The following CLSTN1 variants were observed in gnomAD, a reference collection of about 807,000 sequenced individuals.
CLSTN1 encodes calsyntenin-1.
Under a neutral mutation model 108.3 loss-of-function variants are expected in CLSTN1, and 28 were observed. That is an observed-to-expected ratio of 0.26 (90% CI 0.19 to 0.35). CLSTN1 has a LOEUF of 0.35. Ranked by LOEUF, CLSTN1 falls within the 10% of genes least tolerant of loss-of-function variation. The pLI, the probability that CLSTN1 is intolerant of heterozygous loss-of-function variation, is 1.00. For missense variants in CLSTN1, 1,157 were observed against 1,302.6 expected (o/e 0.89, Z 1.72); for synonymous variants, 524 against 534.9 (o/e 0.98, Z 0.28).
intron 9 of CLSTN1, among the ~76,000 whole-genome samples, chr1:9,743,548 T>C (rs887776105): frequency 1.3e-5 from 2 of 152,070 alleles, no homozygotes; most frequent in African/African-American, 4.8e-5. Context: ...AAGATGACAG[T>C]GTTTTTCTTT....
chr1:9,781,681 G>C (rs1218065923), intron 1 of CLSTN1, among the ~76,000 whole-genome samples: 1 of 152,110 alleles, frequency 6.6e-6, no homozygotes, highest in Non-Finnish European at 1.5e-5. Flanking sequence ...GGCCTCAGGT[G>C]ATCCGCCCAA....
intron 2 of CLSTN1, among the ~76,000 whole-genome samples, chr1:9,770,567 G>C (rs550298159): frequency 2.0e-5 from 3 of 152,332 alleles, no homozygotes; most frequent in South Asian, 2.1e-4. Flanking sequence ...TAACTATTCT[G>C]TGCCTCCGCT....
At chr1:9,766,433 G>C (rs1446364339) in intron 2 of CLSTN1, among the ~76,000 whole-genome samples, 1 of 152,146 alleles carries the variant, frequency 6.6e-6, no homozygotes, top group Non-Finnish European at 1.5e-5. Flanking sequence ...CCAAGGCGGA[G>C]GATCACTTGA....
rs1230899634 is a variant in CLSTN1 at position 9,823,807 on chromosome 1, AG to A, written c.-75del. ...GAGCTCTCGGAGCTCTCGGGGCTCT[AG>A]GGGCCTGGGGCTAGCTGCTCCGCGG... On this transcript the variant is annotated 5_prime_UTR_variant, in exon 1 of 19. Coordinates refer to ENST00000377298, the MANE Select transcript of CLSTN1 (RefSeq NM_001009566.3). This position sits in a 1 kb window ranked among gnomAD's most constrained non-coding sequence, Gnocchi z 6.3. 3.8e-6 allele frequency: 3 copies of A among 782,684 alleles called. No homozygotes were observed. Among genetic ancestry groups the A allele is most frequent in the Admixed American group, 1.2e-4 (2 of 16,856 alleles). The allele number at this position is 782,684 out of a possible 1,614,324, so 48.5% of individuals were successfully genotyped here. A position where few individuals can be genotyped will look rare whatever the true frequency, so the allele number is the denominator to read the frequency against.
In CLSTN1 at chr1:9,735,096, C is replaced by T; in HGVS notation, c.1962G>A (p.Lys654=). 1.2e-6 allele frequency: 2 copies of T among 1,614,212 alleles called. No homozygotes were observed. Residue 654 remains lysine (K), a synonymous_variant, in exon 14 of 19, where the codon AAG becomes AAA. Transcript: ENST00000377298. ...YVMVLQPEEP[K]ISLSGVHHFA... ...AATGGTGGACGCCACTCAGGCTGAT[C>T]TTGGGCTCCTCGGGCTGTAAAACCA...
chr1:9,773,411 A>G lies in CLSTN1; in HGVS notation c.92-17T>C. 1 of 1,578,464 alleles carries G rather than the reference A, an allele frequency of 6.3e-7. No homozygotes were observed. The highest frequency in any genetic ancestry group is 8.6e-7 in the Non-Finnish European group (1 of 1,163,324). ...GCTTGTTAACTGTGTTTAAAACAAG[A>G]GAAAAAAATAGACAAGGTTAGAAAT... On this transcript the variant is annotated splice_polypyrimidine_tract_variant and intron_variant, in intron 1 of 18. Transcript: ENST00000377298.
At chr1:9,758,513 C>T (rs1651924753) in intron 2 of CLSTN1, among the ~76,000 whole-genome samples, 1 of 145,790 alleles carries the variant, frequency 6.9e-6, no homozygotes, top group African/African-American at 2.5e-5. Context: ...GGGATTTCAC[C>T]ATATTGGCCA....
rs1303915297 is a variant in CLSTN1 at position 9,729,730 on chromosome 1, G to A, written c.*778C>T. The A allele has an allele frequency of 6.6e-6, 1 of 152,398 alleles. No individual in the cohort carries two copies. The highest frequency in any genetic ancestry group is 1.5e-5 in the Non-Finnish European group (1 of 68,248). 9.4% of individuals were successfully genotyped at this position (152,398 alleles called of 1,614,324 possible). ...GACCCCGCACCCCACACCAAATTAG[G>A]AACAGGTAGAATCCCAAAGGCAAGG... is the stretch of plus-strand genomic sequence containing the variant. On this transcript the variant is annotated 3_prime_UTR_variant, in exon 19 of 19. Coordinates refer to ENST00000377298, the MANE Select transcript of CLSTN1 (RefSeq NM_001009566.3).
chr1:9,758,897 C>T (rs1485008708), intron 2 of CLSTN1, among the ~76,000 whole-genome samples: 5 of 152,174 alleles, frequency 3.3e-5, no homozygotes, highest in Non-Finnish European at 7.3e-5. Context: ...TGCACGTCTA[C>T]AAGAGCCTCT....
chr1:9,764,637 TA>T (rs70998307), intron 2 of CLSTN1, among the ~76,000 whole-genome samples: 41,728 of 82,006 alleles, frequency 0.51, 9,837 homozygotes, highest in Non-Finnish European at 0.53. Flanking sequence ...GCTCCATCTT[TA>T]AAAAAAAAAA....
chr1:9,821,937 G>A (rs185073226), intron 1 of CLSTN1, among the ~76,000 whole-genome samples: 7 of 152,218 alleles, frequency 4.6e-5, no homozygotes, highest in African/African-American at 1.2e-4. Context: ...GATTTCTGTC[G>A]GTCTCAGGTA....
intron 2 of CLSTN1, among the ~76,000 whole-genome samples, chr1:9,770,998 T>TAAAAC (rs944565104): frequency 6.6e-6 from 1 of 151,448 alleles, no homozygotes; most frequent in South Asian, 2.1e-4. Flanking sequence ...GTCTCAAAAA[T>TAAAAC]AAAACAAAAC....
At chr1:9,732,660 CG>C (rs1237141545) in intron 16 of CLSTN1, among the ~76,000 whole-genome samples, 1 of 152,252 alleles carries the variant, frequency 6.6e-6, no homozygotes, top group African/African-American at 2.4e-5. Context: ...AGAGCCTGAG[CG>C]ATGAAGCAGC....
Position 9,735,544 on chromosome 1 carries a change from C to A in CLSTN1, c.1806G>T (p.Met602Ile). The A allele has an allele frequency of 6.2e-7, 1 of 1,614,170 alleles. No individual in the cohort carries two copies. Among genetic ancestry groups the A allele is most frequent in the Non-Finnish European group, 8.5e-7 (1 of 1,180,024 alleles). ...GEDLGELDKA[M>I]QHISYLNSRQ... is the part of the protein sequence containing the mutation. ...GGGAGTTCAGGTACGAGATGTGCTG[C>A]ATGGCCTTATCCAATTCCCCGAGGT... The change falls in exon 13 of 19, where the codon ATG becomes ATT. Residue 602 changes from methionine (M) to isoleucine (I), a missense_variant. Physicochemically the swap from Met to Ile is conservative, Grantham distance 10 (BLOSUM62 1). Transcript: ENST00000377298.
intron 1 of CLSTN1, among the ~76,000 whole-genome samples, chr1:9,809,796 G>C (rs1654653587): frequency 6.6e-6 from 1 of 151,598 alleles, no homozygotes; most frequent in African/African-American, 2.4e-5. Flanking sequence ...AGCTACTCGG[G>C]AGGGTGAGAC....
intron 1 of CLSTN1, among the ~76,000 whole-genome samples, chr1:9,795,240 A>C (rs1653938461): frequency 6.7e-6 from 1 of 148,806 alleles, no homozygotes; most frequent in African/African-American, 2.5e-5. Context: ...ATCTCGGCTC[A>C]CTGCAACCTC....
At chr1:9,760,695 T>G (rs1652030132) in intron 2 of CLSTN1, among the ~76,000 whole-genome samples, 3 of 147,398 alleles carry the variant, frequency 2.0e-5, no homozygotes, top group Non-Finnish European at 4.5e-5. Context: ...TTTTTTTTTT[T>G]TTTTTTTTTT....
chr1:9,811,095 T>C (rs1033795864), intron 1 of CLSTN1, among the ~76,000 whole-genome samples: 2 of 152,150 alleles, frequency 1.3e-5, no homozygotes, highest in Non-Finnish European at 2.9e-5. Flanking sequence ...CTTTACCAAA[T>C]GAATCTGCAA....
chr1:9,770,993 A>AAAAATAAAACAAAACAAAAT (rs1652647735), intron 2 of CLSTN1, among the ~76,000 whole-genome samples: 1 of 152,154 alleles, frequency 6.6e-6, no homozygotes. Context: ...ACACCGTCTC[A>AAAAATAAAACAAAACAAAAT]AAAATAAAAC....
Sources: allele counts gnomAD v4.1 joint callset (sites outside exome capture counted in the v4.1 genomes callset), GRCh38; gene constraint gnomAD v4.1.1; non-coding constraint Gnocchi (gnomAD v3.1); transcripts MANE v1.5; gene names NCBI Gene and HGNC (gene_info 2026-07-23, HGNC 2026-07-21).